Variants in EPS8 observed in about 807,000 individuals in gnomAD.
EPS8 encodes the protein EGFR pathway substrate 8, signaling adaptor.
EPS8 carries 42 observed loss-of-function variants against 103.8 expected under a neutral mutation model. That is an observed-to-expected ratio of 0.40 (90% CI 0.32 to 0.52). EPS8 has a LOEUF of 0.52. Among genes scored for constraint, EPS8 ranks in the 20% least tolerant of loss-of-function variants. The pLI, the probability that EPS8 is intolerant of heterozygous loss-of-function variation, is 0.40. For missense variants in EPS8, 969 were observed against 1,005.1 expected (o/e 0.96, Z 0.49); for synonymous variants, 344 against 344.6 (o/e 1.00, Z 0.02).
chr12:15,746,904 T>C (rs976301192), intron 1 of EPS8, among the ~76,000 whole-genome samples: 1 of 152,178 alleles, frequency 6.6e-6, no homozygotes, highest in Non-Finnish European at 1.5e-5. Context: ...TTAGTTACCA[T>C]AGTGCCCTAC....
chr12:15,705,258 T>A (rs1210525905), intron 1 of EPS8, among the ~76,000 whole-genome samples: 4 of 152,222 alleles, frequency 2.6e-5, no homozygotes, highest in African/African-American at 9.6e-5. Flanking sequence ...CTGATCTCAG[T>A]CTACTGAGGA....
rs1360084801 is a variant in EPS8 at position 15,780,529 on chromosome 12, C to CACACACAG, written c.-22+8631_-22+8632insCTGTGTGT. On this transcript the variant is annotated intron_variant, in intron 1 of 20. Transcript: ENST00000281172. This position sits in a 1 kb window ranked among gnomAD's most constrained non-coding sequence, Gnocchi z 4.1. ...ACACACACACACACACACACACACACAGGCATACACACTTTTCATTTAACA... is the reference window on the plus strand; with the variant it reads ...ACACACACACACACACACACACACACACACACAGAGGCATACACACTTTTCATTTAACA... 1.3e-5 allele frequency: 2 copies of CACACACAG among 151,332 alleles called. No homozygotes were observed. Among genetic ancestry groups the CACACACAG allele is most frequent in the Non-Finnish European group, 1.4e-5 (1 of 68,988 alleles). The allele number at this position is 151,332 out of a possible 1,614,324, so 9.4% of individuals were successfully genotyped here.
At chr12:15,651,918 G>T (rs765836427) in intron 13 of EPS8, among the ~76,000 whole-genome samples, 1 of 151,822 alleles carries the variant, frequency 6.6e-6, no homozygotes, top group Non-Finnish European at 1.5e-5. Context: ...AATATATTTC[G>T]TTTTGATGTA....
At chr12:15,730,812 A>C (rs962795322) in intron 1 of EPS8, among the ~76,000 whole-genome samples, 1 of 152,006 alleles carries the variant, frequency 6.6e-6, no homozygotes, top group Non-Finnish European at 1.5e-5. Context: ...CATAATAACT[A>C]TGTCCTCAAA....
chr12:15,636,162 T>C (rs2135742474), intron 17 of EPS8, among the ~76,000 whole-genome samples: 1 of 152,266 alleles, frequency 6.6e-6, no homozygotes, highest in South Asian at 2.1e-4. Context: ...CAGGAAACTT[T>C]ATGTGGCAAG....
chr12:15,719,393 C>G (rs1051316926), intron 1 of EPS8, among the ~76,000 whole-genome samples: 9 of 152,122 alleles, frequency 5.9e-5, no homozygotes, highest in South Asian at 4.2e-4. Context: ...AAAGTAAAAC[C>G]TGCAATTAAA....
At position 15,785,375 on chromosome 12, in the gene EPS8, G is replaced by A. The variant is rs1947301395; in HGVS notation, c.-22+3786C>T. ...AATTCCAATGCTGCTATACATCTAT[G>A]ATAGAAATGAATGATTAAGCAAATG... On this transcript the variant is annotated intron_variant, in intron 1 of 20. Transcript: ENST00000281172. This position sits in a 1 kb window ranked among gnomAD's most constrained non-coding sequence, Gnocchi z 4.9. 6.6e-6 allele frequency among the ~76,000 whole-genome samples: 1 copy of A among 152,088 alleles called. No homozygotes were observed. Among genetic ancestry groups the A allele is most frequent in the African/African-American group, 2.4e-5 (1 of 41,438 alleles).
At chr12:15,648,860 C>T (rs1245287703) in intron 14 of EPS8, among the ~76,000 whole-genome samples, 2 of 152,196 alleles carry the variant, frequency 1.3e-5, no homozygotes, top group Non-Finnish European at 2.9e-5. Flanking sequence ...CCATATTTGT[C>T]ACTCCAAGTC....
At chr12:15,647,335 T>C in intron 14 of EPS8, 75 bp from the exon 15 acceptor site, 2 of 1,298,940 alleles carry the variant, frequency 1.5e-6, no homozygotes, top group South Asian at 1.4e-5. Flanking sequence ...GTCAACAAGA[T>C]CTCTCAACTA....
intron 13 of EPS8, among the ~76,000 whole-genome samples, chr12:15,651,236 A>T (rs897656036): frequency 3.3e-5 from 5 of 152,222 alleles, no homozygotes; most frequent in Admixed American, 1.3e-4. Flanking sequence ...ATTCTGTTGC[A>T]TGATCTGTTT....
chr12:15,712,704 TA>T, intron 1 of EPS8: 2 of 236,308 alleles, frequency 8.5e-6, no homozygotes, highest in South Asian at 1.6e-4. Flanking sequence ...CTTGGAATAC[TA>T]AATGGGAAGT....
intron 1 of EPS8, among the ~76,000 whole-genome samples, chr12:15,730,520 CACTAGA>C (rs1370203949): frequency 8.5e-5 from 13 of 152,228 alleles, no homozygotes; most frequent in African/African-American, 3.1e-4. Flanking sequence ...CAACAAGATA[CACTAGA>C]ACTAGACTAT....
chr12:15,722,292 C>G (rs374049875), intron 1 of EPS8, among the ~76,000 whole-genome samples: 2 of 151,918 alleles, frequency 1.3e-5, no homozygotes, highest in East Asian at 3.9e-4. Flanking sequence ...TCAGGTTGGA[C>G]AAGCTTGTTC....
chr12:15,675,571 C>A (rs977241397), intron 3 of EPS8, among the ~76,000 whole-genome samples: 1 of 152,192 alleles, frequency 6.6e-6, no homozygotes, highest in Non-Finnish European at 1.5e-5. Context: ...GGCACTCCAG[C>A]CTGGGCAACA....
intron 18 of EPS8, 26 bp downstream of exon 18, chr12:15,631,416 A>AT: frequency 6.2e-7 from 1 of 1,613,488 alleles, no homozygotes; most frequent in Non-Finnish European, 8.5e-7. Flanking sequence ...TGCAGAAGAC[A>AT]TTTTTTGCCT....
chr12:15,691,214 A>C (rs181549608), intron 1 of EPS8, among the ~76,000 whole-genome samples: 47 of 150,602 alleles, frequency 3.1e-4, no homozygotes, highest in Admixed American at 2.0e-3. Context: ...CTAGAGGATA[A>C]AATCTCCCTG....
rs1165083582 is a variant in EPS8 at position 15,736,944 on chromosome 12, T to C, written c.-22+52217A>G. Among the ~76,000 whole-genome samples, 1 of 152,152 alleles carries C rather than the reference T, an allele frequency of 6.6e-6. No individual in the cohort carries two copies. Among genetic ancestry groups the C allele is most frequent in the Non-Finnish European group, 1.5e-5 (1 of 68,002 alleles). On this transcript the variant is annotated intron_variant, in intron 1 of 20. Coordinates refer to ENST00000281172, the MANE Select transcript of EPS8 (RefSeq NM_004447.6). This position sits in a 1 kb window ranked among gnomAD's most constrained non-coding sequence, Gnocchi z 4.2. ...CCTAAATACTTAAAAAAATAAAATC[T>C]TCATATTTAAAGTAACATACTTTAA...
chr12:15,741,619 T>C lies in EPS8; in HGVS notation c.-22+47542A>G, dbSNP rs529048917. 5.1e-4 allele frequency among the ~76,000 whole-genome samples: 77 copies of C among 152,262 alleles called. No homozygotes were observed. In the South Asian group the frequency reaches 8.3e-3, roughly 16 times the overall value. On this transcript the variant is annotated intron_variant, in intron 1 of 20. Transcript: ENST00000281172. ...GAGAGAGGTGATTGGTTAGCACATA[T>C]CATCTTTTAAAGCGTAAAGTCCACT...
rs2136054248 is a variant in EPS8, at chr12:15,780,566, T to TA, written c.-22+8594dup. ...CTTTTCATTTAACATCCTCCATGGATAATAGTACCTACTTGACATTTCCAC... is the reference window on the plus strand; with the variant it reads ...CTTTTCATTTAACATCCTCCATGGATAAATAGTACCTACTTGACATTTCCAC... On this transcript the variant is annotated intron_variant, in intron 1 of 20. Coordinates refer to ENST00000281172, the MANE Select transcript of EPS8 (RefSeq NM_004447.6). The surrounding 1 kb of genome is among the most constrained non-coding windows in gnomAD (Gnocchi z 4.1). The TA allele has an allele frequency of 6.6e-6, 1 of 150,746 alleles. No individual in the cohort carries two copies. The highest frequency in any genetic ancestry group is 2.1e-4 in the South Asian group (1 of 4,744). The allele number at this position is 150,746 out of a possible 1,614,324, so 9.3% of individuals were successfully genotyped here. A position where few individuals can be genotyped will look rare whatever the true frequency, so the allele number is the denominator to read the frequency against.
Sources: allele counts gnomAD v4.1 joint callset (sites outside exome capture counted in the v4.1 genomes callset), GRCh38; gene constraint gnomAD v4.1.1; non-coding constraint Gnocchi (gnomAD v3.1); transcripts MANE v1.5; gene names NCBI Gene and HGNC (gene_info 2026-07-23, HGNC 2026-07-21).